JAM3: variants seen among roughly 807,000 people sequenced by gnomAD.
JAM3 encodes junctional adhesion molecule 3.
Under a neutral mutation model 39.4 loss-of-function variants are expected in JAM3, and 31 were observed. The observed-to-expected ratio is 0.79, with a 90% confidence interval of 0.59 to 1.06. The LOEUF is 1.06. Ranked by LOEUF, JAM3 falls within the 50% of genes least tolerant of loss-of-function variation. JAM3 has a pLI of 0.00. For missense variants in JAM3, 455 were observed against 391.4 expected, an observed-to-expected ratio of 1.16 and a Z score of -1.37; for synonymous variants, 182 against 148.7, an observed-to-expected ratio of 1.22 and a Z score of -1.63.
intron 1 of JAM3, among the ~76,000 whole-genome samples, chr11:134,120,417 A>T (rs1328728056): frequency 2.0e-5 from 3 of 152,266 alleles, no homozygotes; most frequent in Non-Finnish European, 4.4e-5. Context: ...AACACATCAG[A>T]TTCAGAGTGG....
At chr11:134,100,561 A>G (rs369589962) in intron 1 of JAM3, among the ~76,000 whole-genome samples, 1 of 152,184 alleles carries the variant, frequency 6.6e-6, no homozygotes, top group African/African-American at 2.4e-5. Context: ...CCCAACTGCT[A>G]GTGAGCTCCT....
intron 1 of JAM3, among the ~76,000 whole-genome samples, chr11:134,094,653 A>C (rs470755): frequency 0.022 from 1,305 of 59,194 alleles, 4 homozygotes; most frequent in African/African-American, 0.037. Context: ...TTCCACCTTA[A>C]ATGTCACTTC....
chr11:134,084,014 TAAG>T (rs1042150077), intron 1 of JAM3, among the ~76,000 whole-genome samples: 5 of 152,226 alleles, frequency 3.3e-5, no homozygotes, highest in African/African-American at 9.6e-5. Flanking sequence ...GGCTACATAA[TAAG>T]GAGAAAATTG....
chr11:134,098,888 C>T (rs530475887), intron 1 of JAM3, among the ~76,000 whole-genome samples: 1 of 152,190 alleles, frequency 6.6e-6, no homozygotes, highest in East Asian at 1.9e-4. Context: ...ACACCAGTCT[C>T]CAGAAAGCCT....
intron 1 of JAM3, among the ~76,000 whole-genome samples, chr11:134,094,214 C>T (rs1941932165): frequency 7.6e-6 from 1 of 130,754 alleles, no homozygotes; most frequent in African/African-American, 2.9e-5. Context: ...TTACATGTCA[C>T]TTCCTGAGGG....
At chr11:134,120,230 G>A (rs543017052) in intron 1 of JAM3, among the ~76,000 whole-genome samples, 29 of 152,248 alleles carry the variant, frequency 1.9e-4, no homozygotes, top group African/African-American at 6.0e-4. Context: ...CTGCGCTGCC[G>A]TTGTATGTTT....
intron 1 of JAM3, among the ~76,000 whole-genome samples, chr11:134,099,897 G>A (rs1280569334): frequency 2.6e-5 from 4 of 152,140 alleles, no homozygotes; most frequent in Non-Finnish European, 5.9e-5. Flanking sequence ...GAGCCACCGC[G>A]CCCGGCTTGC....
chr11:134,107,659 A>C (rs1038601060), intron 1 of JAM3, among the ~76,000 whole-genome samples: 1 of 152,050 alleles, frequency 6.6e-6, no homozygotes, highest in Non-Finnish European at 1.5e-5. Context: ...TTATGAAATT[A>C]GAAAAAGAGC....
At chr11:134,113,943 G>A (rs1410504903) in intron 1 of JAM3, among the ~76,000 whole-genome samples, 4 of 152,218 alleles carry the variant, frequency 2.6e-5, no homozygotes, top group East Asian at 3.8e-4. Context: ...CTGATGGCCA[G>A]TGATGATGAG....
In JAM3 at chr11:134,145,273, A is replaced by G. The variant is rs184196605; in HGVS notation, c.612+279A>G. On this transcript the variant is annotated intron_variant, in intron 5 of 8. Transcript: ENST00000299106. ...GGGCCCTGATCGGATAATCAACTGT[A>G]AAAGTCATTAGACAATCGGGGAAAT... 1,187 of 519,586 alleles carry G rather than the reference A, an allele frequency of 2.3e-3. 7 individuals carry two copies. The highest frequency in any genetic ancestry group is 0.011 in the Middle Eastern group (21 of 1,868). The allele number at this position is 519,586 out of a possible 1,614,324, so 32.2% of individuals were successfully genotyped here.
intron 1 of JAM3, among the ~76,000 whole-genome samples, chr11:134,100,882 CAAACACTTAGTT>C (rs1250409050): frequency 6.6e-6 from 1 of 152,158 alleles, no homozygotes; most frequent in East Asian, 1.9e-4. Context: ...CCTTACTAGA[CAAACACTTAGTT>C]TTAAAGTAAA....
chr11:134,144,182 C>G, intron 3 of JAM3, 59 bp from the exon 4 acceptor site: 1 of 1,599,022 alleles, frequency 6.3e-7, no homozygotes, highest in Non-Finnish European at 8.6e-7. Flanking sequence ...AAACCACCCT[C>G]TTCAAGTGGC....
In JAM3 at chr11:134,102,625, A is replaced by G. The variant is rs1340639797; in HGVS notation, c.76+33466A>G. 5.9e-5 allele frequency among the ~76,000 whole-genome samples: 9 copies of G among 152,324 alleles called. No homozygotes were observed. The East Asian group carries it at 1.4e-3, about 23-fold the overall frequency. On this transcript the variant is annotated intron_variant, in intron 1 of 8. Coordinates refer to ENST00000299106, the MANE Select transcript of JAM3 (RefSeq NM_032801.5). ...AAGCTAAAAACCTTGAAAAAAGATT[A>G]GACAAATGGCTAACTAGAGTAACCA... is the stretch of plus-strand genomic sequence containing the variant.
intron 1 of JAM3, among the ~76,000 whole-genome samples, chr11:134,129,676 G>T (rs1467855344): frequency 6.6e-6 from 1 of 152,174 alleles, no homozygotes; most frequent in Non-Finnish European, 1.5e-5. Context: ...TTTTACATTT[G>T]AGAAAAATTG....
At chr11:134,111,574 C>A (rs1942312394) in intron 1 of JAM3, among the ~76,000 whole-genome samples, 1 of 152,146 alleles carries the variant, frequency 6.6e-6, no homozygotes, top group African/African-American at 2.4e-5. Flanking sequence ...AGGATCATTG[C>A]ATGGTATGAC....
Position 134,125,784 on chromosome 11 carries a change from A to G in JAM3, c.77-14067A>G, listed in dbSNP as rs566749269. Among the ~76,000 whole-genome samples the G allele has an allele frequency of 1.4e-3, 210 of 152,268 alleles. 9 individuals are homozygous for G. The South Asian group carries it at 0.041, about 29-fold the overall frequency. ...TCCTGTAGCTCCTTCCTGCTTTGCT[A>G]ATTATCAAAATGTTGGTAGGAGAAA... On this transcript the variant is annotated intron_variant, in intron 1 of 8. Transcript: ENST00000299106.
intron 1 of JAM3, among the ~76,000 whole-genome samples, chr11:134,124,481 T>G (rs1275404256): frequency 3.3e-5 from 5 of 152,230 alleles, no homozygotes; most frequent in African/African-American, 4.8e-5. Context: ...TGTTTATTCC[T>G]TATGAAGCTT....
intron 1 of JAM3, among the ~76,000 whole-genome samples, chr11:134,110,213 G>A (rs942566014): frequency 1.3e-5 from 2 of 152,086 alleles, no homozygotes; most frequent in South Asian, 2.1e-4. Flanking sequence ...ATCCATTGCA[G>A]GTGGGAATGT....
intron 1 of JAM3, among the ~76,000 whole-genome samples, chr11:134,135,335 A>G (rs1357787689): frequency 6.6e-6 from 1 of 152,134 alleles, no homozygotes; most frequent in Non-Finnish European, 1.5e-5. Context: ...ATATGCAAGG[A>G]TTTATTTCTG....
Sources: gnomAD v4.1 joint callset for allele counts (sites outside exome capture counted in the v4.1 genomes callset) on GRCh38, gnomAD v4.1.1 for gene constraint, MANE v1.5 for transcripts, NCBI Gene and HGNC (gene_info 2026-07-23, HGNC 2026-07-21) for gene names.